Variants in ENAH observed in about 807,000 individuals in gnomAD.
ENAH encodes the protein protein enabled homolog.
In ENAH, 23 loss-of-function variants were observed where a neutral mutation model predicts 78.7. The observed-to-expected ratio is 0.29, with a 90% CI of 0.21 to 0.41. ENAH has a LOEUF of 0.41. Ranked by LOEUF, ENAH falls within the 10% of genes least tolerant of loss-of-function variation. ENAH has a pLI of 1.00. For missense variants in ENAH, 544 were observed against 691.0 expected (o/e 0.79, Z 2.39); for synonymous variants, 226 against 241.0 (o/e 0.94, Z 0.58).
At chr1:225,521,057 C>T (rs532164927) in intron 4 of ENAH, among the ~76,000 whole-genome samples, 16 of 152,086 alleles carry the variant, frequency 1.1e-4, no homozygotes, top group East Asian at 9.7e-4. Flanking sequence ...CGCACGCGCG[C>T]GCACACACAC....
chr1:225,560,852 T>C lies in ENAH; in HGVS notation c.172-5769A>G, dbSNP rs905939126. Among the ~76,000 whole-genome samples the C allele has an allele frequency of 2.7e-4, 41 of 152,280 alleles. 1 individual carries two copies. The highest frequency in any genetic ancestry group is 5.9e-5 in the Non-Finnish European group (4 of 68,050). On this transcript the variant is annotated intron_variant, in intron 2 of 13. Coordinates refer to ENST00000366843, the MANE Select transcript of ENAH (RefSeq NM_018212.6). ...GATGTGTTACATTTACTTTTTCAAT[T>C]GTTCATAACAGAATGCTAGAAAAAG... is the stretch of plus-strand genomic sequence containing the variant.
At chr1:225,636,952 C>T (rs2148409210) in intron 1 of ENAH, among the ~76,000 whole-genome samples, 1 of 152,106 alleles carries the variant, frequency 6.6e-6, no homozygotes, top group East Asian at 1.9e-4. Context: ...GAAACTAAAG[C>T]AAGAATGGGA....
Position 225,510,627 on chromosome 1 carries a change from A to G in ENAH, c.1471+1184T>C, listed in dbSNP as rs560294240. Among the ~76,000 whole-genome samples, 27 of 152,020 alleles carry G rather than the reference A, an allele frequency of 1.8e-4. No homozygotes were observed. The East Asian group carries it at 4.8e-3, about 27-fold the overall frequency. Reference sequence around the variant, plus strand: ...CCTACTGAAGAGTCACCATTTAATAATAAGAATGAGGAATGGGGGGAGTGG... The same window carrying G: ...CCTACTGAAGAGTCACCATTTAATAGTAAGAATGAGGAATGGGGGGAGTGG... On this transcript the variant is annotated intron_variant, in intron 10 of 13. Transcript: ENST00000366843.
intron 3 of ENAH, among the ~76,000 whole-genome samples, chr1:225,549,762 G>C (rs1458533497): frequency 6.6e-6 from 1 of 152,170 alleles, no homozygotes; most frequent in Non-Finnish European, 1.5e-5. Flanking sequence ...AAGGTAGAAA[G>C]CTAGAACACT....
At chr1:225,504,264 C>T (rs1575314531) in intron 11 of ENAH, among the ~76,000 whole-genome samples, 1 of 152,222 alleles carries the variant, frequency 6.6e-6, no homozygotes, top group Middle Eastern at 3.4e-3. Context: ...CAGCCTTGGC[C>T]TCCCAAGGTG....
chr1:225,590,419 G>A (rs778681003), intron 1 of ENAH, among the ~76,000 whole-genome samples: 6 of 151,334 alleles, frequency 4.0e-5, no homozygotes, highest in Non-Finnish European at 7.4e-5. Flanking sequence ...AGCTGAGATC[G>A]CACCACTGCA....
At chr1:225,605,665 T>G (rs74147612) in intron 1 of ENAH, among the ~76,000 whole-genome samples, 2,405 of 152,238 alleles carry the variant, frequency 0.016, 82 homozygotes, top group African/African-American at 0.054. Flanking sequence ...CATGTGAAAA[T>G]CCTTACCCCC....
intron 4 of ENAH, among the ~76,000 whole-genome samples, chr1:225,523,046 A>G (rs2096482066): frequency 6.6e-6 from 1 of 152,058 alleles, no homozygotes; most frequent in African/African-American, 2.4e-5. Flanking sequence ...AGCTTTTGCT[A>G]TCTACTTTCT....
rs1440788137 is a variant in ENAH at position 225,519,130 on chromosome 1, CAT to C, written c.802+66_802+67del. On this transcript the variant is annotated intron_variant, in intron 5 of 13. Transcript: ENST00000366843. ...ATCTCAAATGTGAAATATTTTAACA[CAT>C]GACTGCACAAGAGACATCATCCAAG... The C allele has an allele frequency of 8.4e-6, 13 of 1,553,644 alleles. No individual in the cohort carries two copies. The African/African-American group carries it at 9.6e-5, about 11-fold the overall frequency.
At chr1:225,547,432 C>G (rs1267645475) in intron 3 of ENAH, among the ~76,000 whole-genome samples, 1 of 152,136 alleles carries the variant, frequency 6.6e-6, no homozygotes, top group African/African-American at 2.4e-5. Flanking sequence ...GAAAAAGTTA[C>G]CTAAGTGAAG....
chr1:225,646,666 G>C lies in ENAH; in HGVS notation c.5+6020C>G, dbSNP rs189830776. On this transcript the variant is annotated intron_variant, in intron 1 of 13. Coordinates refer to ENST00000366843, the MANE Select transcript of ENAH (RefSeq NM_018212.6). ...TAGCCAGGCGTGGTGGCAGGCGCCTGTGGTCCCACCTGCTCAGGAGGCTGA... is the reference window on the plus strand; with the variant it reads ...TAGCCAGGCGTGGTGGCAGGCGCCTCTGGTCCCACCTGCTCAGGAGGCTGA... Among the ~76,000 whole-genome samples, 10 of 152,014 alleles carry C rather than the reference G, an allele frequency of 6.6e-5. 1 individual carries two copies. The highest frequency in any genetic ancestry group is 6.8e-3 in the Middle Eastern group (2 of 294).
chr1:225,635,916 ATC>A (rs1407215623), intron 1 of ENAH, among the ~76,000 whole-genome samples: 1 of 152,238 alleles, frequency 6.6e-6, no homozygotes, highest in Non-Finnish European at 1.5e-5. Context: ...TAATACAGAA[ATC>A]CTCCTGTTTT....
intron 9 of ENAH, among the ~76,000 whole-genome samples, chr1:225,512,398 G>A (rs2096384160): frequency 6.6e-6 from 1 of 152,140 alleles, no homozygotes; most frequent in African/African-American, 2.4e-5. Context: ...CTCATTTAAG[G>A]AACAGAATTA....
intron 1 of ENAH, among the ~76,000 whole-genome samples, chr1:225,629,204 G>C (rs973577033): frequency 6.6e-6 from 1 of 152,068 alleles, no homozygotes; most frequent in Non-Finnish European, 1.5e-5. Context: ...CTTGAATCCG[G>C]GAGGCAGAGG....
intron 1 of ENAH, among the ~76,000 whole-genome samples, chr1:225,590,337 A>G (rs2096869585): frequency 6.6e-6 from 1 of 151,834 alleles, no homozygotes; most frequent in Admixed American, 6.6e-5. Context: ...TTACCCGGGC[A>G]TGATGGCGCA....
At chr1:225,590,338 T>C (rs1342156946) in intron 1 of ENAH, among the ~76,000 whole-genome samples, 2 of 151,312 alleles carry the variant, frequency 1.3e-5, no homozygotes, top group African/African-American at 4.9e-5. Flanking sequence ...TACCCGGGCA[T>C]GATGGCGCAC....
At chr1:225,593,897 A>G (rs1410608630) in intron 1 of ENAH, among the ~76,000 whole-genome samples, 1 of 152,262 alleles carries the variant, frequency 6.6e-6, no homozygotes, top group Non-Finnish European at 1.5e-5. Flanking sequence ...ATATCAATAA[A>G]GTGTAGTTAT....
At chr1:225,583,304 C>T (rs1237727928) in intron 1 of ENAH, among the ~76,000 whole-genome samples, 1 of 151,612 alleles carries the variant, frequency 6.6e-6, no homozygotes, top group Non-Finnish European at 1.5e-5. Flanking sequence ...GGCATGATGG[C>T]GGGTGCCTGT....
At chr1:225,626,916 A>T (rs1226238198) in intron 1 of ENAH, among the ~76,000 whole-genome samples, 6 of 152,234 alleles carry the variant, frequency 3.9e-5, no homozygotes, top group Non-Finnish European at 5.9e-5. Context: ...TTGTCAGCTG[A>T]CATATGAGAC....
Sources: gnomAD v4.1 joint callset for allele counts (sites outside exome capture counted in the v4.1 genomes callset) on GRCh38, gnomAD v4.1.1 for gene constraint, MANE v1.5 for transcripts, NCBI Gene and HGNC (gene_info 2026-07-23, HGNC 2026-07-21) for gene names.